Variants in VEPH1 observed in about 807,000 individuals in gnomAD.
VEPH1 encodes the protein ventricular zone-expressed PH domain-containing protein homolog 1.
In VEPH1, 80 loss-of-function variants were observed where a neutral mutation model predicts 85.2. The observed-to-expected ratio is 0.94, with a 90% CI of 0.78 to 1.13. VEPH1 has a LOEUF of 1.13. Ranked by LOEUF, VEPH1 falls within the 50% of genes most tolerant of loss-of-function variation. The probability of loss-of-function intolerance (pLI) is 0.00; values close to 1 mark genes in which losing one functional copy is unlikely to be tolerated. For missense variants in VEPH1, 955 were observed against 980.5 expected (o/e 0.97, Z 0.35); for synonymous variants, 297 against 348.0 (o/e 0.85, Z 1.63).
At chr3:157,301,478 A>G (rs1482723632) in intron 11 of VEPH1, among the ~76,000 whole-genome samples, 2 of 152,260 alleles carry the variant, frequency 1.3e-5, no homozygotes, top group African/African-American at 4.8e-5. Context: ...CATCTCTACA[A>G]TCCCCCCACT....
chr3:157,495,169 A>G, intron 2 of VEPH1, 43 bp downstream of exon 2: 1 of 1,591,076 alleles, frequency 6.3e-7, no homozygotes, highest in Non-Finnish European at 8.6e-7. Context: ...TAGCTCTAGG[A>G]CAGGCCATTT....
At chr3:157,456,502 T>C (rs1735395631) in intron 4 of VEPH1, among the ~76,000 whole-genome samples, 2 of 152,228 alleles carry the variant, frequency 1.3e-5, no homozygotes, top group South Asian at 4.1e-4. Flanking sequence ...TTTATAGTTT[T>C]GGGTTTTACA....
At chr3:157,329,446 T>C (rs895071170) in intron 9 of VEPH1, among the ~76,000 whole-genome samples, 7 of 152,242 alleles carry the variant, frequency 4.6e-5, no homozygotes, top group African/African-American at 1.7e-4. Flanking sequence ...AATCATAAAA[T>C]TATTTTTCTA....
At chr3:157,442,388 C>T in intron 4 of VEPH1, 1 of 1,611,758 alleles carries the variant, frequency 6.2e-7, no homozygotes, top group South Asian at 1.1e-5. Flanking sequence ...CTATTTTATT[C>T]CCAATGCGTT....
intron 3 of VEPH1, among the ~76,000 whole-genome samples, chr3:157,468,366 A>G (rs754849898): frequency 6.6e-6 from 1 of 152,222 alleles, no homozygotes; most frequent in African/African-American, 2.4e-5. Context: ...CAAGGTCAGG[A>G]GTTCAAGGCC....
rs1027467917 is a variant in VEPH1 at position 157,436,778 on chromosome 3, A to T, written c.530-8290T>A. ...GGGGAACTCCCGTTACCGCAGTGCC[A>T]CCAGCATTACTCATTCATCCCCATT... On this transcript the variant is annotated intron_variant, in intron 4 of 13. Transcript: ENST00000362010. 5.6e-6 allele frequency: 3 copies of T among 540,034 alleles called. No individual in the cohort carries two copies. The Admixed American group carries it at 1.3e-4, about 24-fold the overall frequency. 33.5% of individuals were successfully genotyped at this position (540,034 alleles called of 1,614,324 possible).
chr3:157,479,806 T>C (rs1308566425), intron 2 of VEPH1, among the ~76,000 whole-genome samples: 1 of 152,344 alleles, frequency 6.6e-6, no homozygotes, highest in South Asian at 2.1e-4. Flanking sequence ...GCTCCTAGGA[T>C]TGTTGCAAGT....
At chr3:157,482,957 C>T (rs924095636) in intron 2 of VEPH1, among the ~76,000 whole-genome samples, 1 of 152,104 alleles carries the variant, frequency 6.6e-6, no homozygotes, top group Non-Finnish European at 1.5e-5. Flanking sequence ...GACTTCTTCA[C>T]AAACATTTTC....
At chr3:157,497,406 A>C (rs1198022557) in intron 1 of VEPH1, among the ~76,000 whole-genome samples, 1 of 152,156 alleles carries the variant, frequency 6.6e-6, no homozygotes, top group Non-Finnish European at 1.5e-5. Flanking sequence ...GGTACTGCAA[A>C]GTAGTTCGCA....
intron 7 of VEPH1, among the ~76,000 whole-genome samples, chr3:157,364,805 T>C (rs1009080730): frequency 6.6e-5 from 10 of 152,242 alleles, no homozygotes; most frequent in Admixed American, 1.3e-4. Flanking sequence ...TATTCTTTTT[T>C]AGAAATTCTT....
At chr3:157,341,054 T>C (rs1723496241) in intron 9 of VEPH1, among the ~76,000 whole-genome samples, 2 of 152,052 alleles carry the variant, frequency 1.3e-5, no homozygotes, top group African/African-American at 2.4e-5. Context: ...CAAAGGTAGA[T>C]AAAACCACAA....
intron 6 of VEPH1, among the ~76,000 whole-genome samples, chr3:157,406,993 C>CAAA (rs111501334): frequency 8.3e-6 from 1 of 120,668 alleles, no homozygotes; most frequent in African/African-American, 3.0e-5. Context: ...GTTGGCCTCC[C>CAAA]AAAAAAAAAA....
chr3:157,288,932 G>C (rs1167254141), intron 11 of VEPH1, among the ~76,000 whole-genome samples: 1 of 152,104 alleles, frequency 6.6e-6, no homozygotes, highest in African/African-American at 2.4e-5. Flanking sequence ...ATTCCAATAG[G>C]TGCTGTATAT....
At chr3:157,421,807 G>A (rs1447822594) in intron 5 of VEPH1, among the ~76,000 whole-genome samples, 1 of 152,094 alleles carries the variant, frequency 6.6e-6, no homozygotes, top group Non-Finnish European at 1.5e-5. Context: ...GACAGGAAAC[G>A]GGACTCCACA....
intron 12 of VEPH1, among the ~76,000 whole-genome samples, chr3:157,272,108 G>T (rs931715963): frequency 1.3e-5 from 2 of 151,958 alleles, no homozygotes; most frequent in Non-Finnish European, 2.9e-5. Context: ...GGACTGTAAG[G>T]TGGATGCCTA....
chr3:157,464,507 G>T (rs891197275), intron 3 of VEPH1, among the ~76,000 whole-genome samples: 7 of 152,296 alleles, frequency 4.6e-5, no homozygotes, highest in Middle Eastern at 3.4e-3. Context: ...GAGCATGTTG[G>T]ATGAATATCA....
intron 2 of VEPH1, among the ~76,000 whole-genome samples, chr3:157,472,004 G>C (rs1383830398): frequency 6.6e-6 from 1 of 152,114 alleles, no homozygotes; most frequent in Non-Finnish European, 1.5e-5. Context: ...ACAGTTAAAA[G>C]TTAATCTCCC....
chr3:157,435,641 T>C (rs933031921), intron 4 of VEPH1, among the ~76,000 whole-genome samples: 5 of 152,202 alleles, frequency 3.3e-5, no homozygotes, highest in African/African-American at 9.6e-5. Context: ...CTCACTTCAC[T>C]CCTATGCCAG....
chr3:157,445,536 T>C (rs951167578), intron 4 of VEPH1, among the ~76,000 whole-genome samples: 2 of 152,088 alleles, frequency 1.3e-5, no homozygotes, highest in Non-Finnish European at 2.9e-5. Context: ...CAGGAGAATC[T>C]CTCGAACCTG....
Sources: gnomAD v4.1 joint callset for allele counts (sites outside exome capture counted in the v4.1 genomes callset) on GRCh38, gnomAD v4.1.1 for gene constraint, MANE v1.5 for transcripts, NCBI Gene and HGNC (gene_info 2026-07-23, HGNC 2026-07-21) for gene names.